The following MEI1 variants were observed in gnomAD, a reference collection of about 807,000 sequenced individuals.
The protein encoded by MEI1 is meiosis inhibitor protein 1.
A neutral mutation model predicts 146.2 loss-of-function variants in MEI1; 103 were observed. The ratio of observed to expected loss-of-function variants is 0.70; its 90% confidence interval spans 0.60 to 0.83. The LOEUF is 0.83. MEI1 is among the 40% of genes least tolerant of loss of function. The pLI, the probability that MEI1 is intolerant of heterozygous loss-of-function variation, is 0.00. For synonymous variants in MEI1, 652 were observed against 628.2 expected (o/e 1.04, Z -0.57); for missense variants, 1,529 against 1,533.0 (o/e 1.00, Z 0.04).
rs367680809 is a variant in MEI1, at chr22:41,758,579, C to T, written c.2120+46C>T. On this transcript the variant is annotated intron_variant, in intron 18 of 30. Coordinates refer to ENST00000401548, the MANE Select transcript of MEI1 (RefSeq NM_152513.4). ...GGCTGGTGGTGGGTCTTGGGACCTTCATCAGCAGTTCAGTTCAATAAATAA... is the reference window on the plus strand; with the variant it reads ...GGCTGGTGGTGGGTCTTGGGACCTTTATCAGCAGTTCAGTTCAATAAATAA... 7.0e-6 allele frequency: 11 copies of T among 1,566,934 alleles called. 1 individual carries two copies. The African/African-American group carries it at 1.1e-4, about 15-fold the overall frequency.
In MEI1 at chr22:41,795,456, G is replaced by T. The variant is rs1024786242; in HGVS notation, c.3580G>T (p.Gly1194Cys). The change falls in exon 29 of 31, where the codon GGT (glycine) becomes TGT (cysteine). Residue 1194 changes from glycine (G) to cysteine (C), a missense_variant. Transcript: ENST00000401548. This position sits in a 1 kb window ranked among gnomAD's most constrained non-coding sequence, Gnocchi z 4.2. ...CAGTGTCCTCTCTCATGAAGAGGTG[G>T]GTGATGTTCTGCAAGGTGTGGCTTT... ...SSSVLSHEEVGDVLQGVALAD... is the reference protein window; with the variant it reads ...SSSVLSHEEVCDVLQGVALAD... The T allele has an allele frequency of 5.6e-6, 9 of 1,613,682 alleles. No homozygotes were observed. Among genetic ancestry groups the T allele is most frequent in the Non-Finnish European group, 6.8e-6 (8 of 1,179,808 alleles).
chr22:41,739,481 T>A (rs7285075), intron 11 of MEI1, among the ~76,000 whole-genome samples: 12,549 of 151,796 alleles, frequency 0.083, 1,224 homozygotes, highest in African/African-American at 0.24. Context: ...ATTGTGAAAG[T>A]TGTTAATATT....
intron 26 of MEI1, among the ~76,000 whole-genome samples, chr22:41,785,910 A>ATTT (rs1158591831): frequency 5.9e-4 from 57 of 96,384 alleles, no homozygotes; most frequent in South Asian, 2.0e-3. Context: ...TTTATTTTTT[A>ATTT]TTTTATTTTT....
chr22:41,712,698 G>GTGTGTA (rs2069701113), intron 3 of MEI1, among the ~76,000 whole-genome samples: 3 of 150,828 alleles, frequency 2.0e-5, no homozygotes, highest in African/African-American at 7.4e-5. Flanking sequence ...GTGTGTGTGT[G>GTGTGTA]TGTGGAGCAA....
Position 41,724,710 on chromosome 22 carries a change from G to A in MEI1, c.864+637G>A, listed in dbSNP as rs552026541. Among the ~76,000 whole-genome samples, 27 of 152,066 alleles carry A rather than the reference G, an allele frequency of 1.8e-4. 1 individual carries two copies. Among genetic ancestry groups the A allele is most frequent in the Admixed American group, 1.3e-3 (20 of 15,272 alleles). ...GGAGGCTGAGGTGGGAGGATTGCTC[G>A]AACCCAGGAGGCGGAGGTTGCATTG... On this transcript the variant is annotated intron_variant, in intron 7 of 30. Coordinates refer to ENST00000401548, the MANE Select transcript of MEI1 (RefSeq NM_152513.4).
chr22:41,773,903 C>A (rs1330031322), intron 20 of MEI1, among the ~76,000 whole-genome samples: 5 of 152,074 alleles, frequency 3.3e-5, no homozygotes, highest in African/African-American at 9.7e-5. Flanking sequence ...AAAAGAACAG[C>A]AAGGAACAAC....
At chr22:41,744,165 C>T (rs914005228) in intron 12 of MEI1, among the ~76,000 whole-genome samples, 2 of 151,642 alleles carry the variant, frequency 1.3e-5, no homozygotes, top group Non-Finnish European at 2.9e-5. Context: ...GCGCTGGGCC[C>T]CTGCTACCAT....
chr22:41,737,408 T>G (rs537752771), intron 11 of MEI1, among the ~76,000 whole-genome samples: 1 of 152,172 alleles, frequency 6.6e-6, no homozygotes, highest in East Asian at 1.9e-4. Flanking sequence ...AGCTAATTTT[T>G]AAAAATATTT....
rs1196441464 is a variant in MEI1 at position 41,718,338 on chromosome 22, G to C, written c.733+64G>C. On this transcript the variant is annotated intron_variant, in intron 6 of 30. Coordinates refer to ENST00000401548, the MANE Select transcript of MEI1 (RefSeq NM_152513.4). Reference sequence around the variant, plus strand: ...TTTGACATTTTGCTAGAAGACTTGAGATATTGGGTTCTCTAGTAGTGGGGA... The same window carrying C: ...TTTGACATTTTGCTAGAAGACTTGACATATTGGGTTCTCTAGTAGTGGGGA... 2.7e-6 allele frequency: 4 copies of C among 1,509,220 alleles called. No individual in the cohort carries two copies. In the East Asian group the frequency reaches 7.0e-5, roughly 27 times the overall value. 93.5% of individuals were successfully genotyped at this position (1,509,220 alleles called of 1,614,324 possible). A position where few individuals can be genotyped will look rare whatever the true frequency, so the allele number is the denominator to read the frequency against.
At chr22:41,707,523 G>A (rs888178272) in intron 3 of MEI1, among the ~76,000 whole-genome samples, 5 of 152,148 alleles carry the variant, frequency 3.3e-5, no homozygotes, top group Admixed American at 2.6e-4. Context: ...AAGTGCTAAG[G>A]TGCCAGGCAT....
At chr22:41,748,240 A>G in intron 15 of MEI1, 22 bp downstream of exon 15, 1 of 1,522,132 alleles carries the variant, frequency 6.6e-7, no homozygotes, top group Non-Finnish European at 9.1e-7. Context: ...GCAAATGTGG[A>G]GGTTGGGAGG....
intron 28 of MEI1, among the ~76,000 whole-genome samples, chr22:41,794,960 G>A (rs757556520): frequency 1.3e-5 from 2 of 152,256 alleles, no homozygotes; most frequent in Non-Finnish European, 2.9e-5. Flanking sequence ...TACATCAGTG[G>A]TTGGTGTAGG....
rs2070385261 is a variant in MEI1, at chr22:41,718,137, G to T, written c.596G>T (p.Cys199Phe). ...AGTGAGGGCATACAAGCTTCTGTCT[G>T]TTACCTTTATGGGAAGCTATACTCC... ...YPSEGIQASVCYLYGKLYSSP... is the reference protein window; with the variant it reads ...YPSEGIQASVFYLYGKLYSSP... Residue 199 changes from cysteine to phenylalanine, a missense_variant, in exon 6 of 31, where the codon TGT becomes TTT. By Grantham distance (205) the Cys-to-Phe change is radical. Transcript: ENST00000401548. 3 of 1,613,802 alleles carry T rather than the reference G, an allele frequency of 1.9e-6. No homozygotes were observed. Among genetic ancestry groups the T allele is most frequent in the Non-Finnish European group, 2.5e-6 (3 of 1,179,878 alleles).
intron 6 of MEI1, 62 bp downstream of exon 6, chr22:41,718,336 G>C (rs1453143302): frequency 3.3e-6 from 5 of 1,512,776 alleles, no homozygotes; most frequent in Non-Finnish European, 4.5e-6. Flanking sequence ...TAGAAGACTT[G>C]AGATATTGGG....
Position 41,781,284 on chromosome 22 carries a change from T to C in MEI1, c.2816T>C (p.Val939Ala). ...GACTGGGGACTTTCATCTCTTGCAG[T>C]AAGCAAGCTGTGTGGGAAGTGCAGC... The part of the protein sequence containing the change: ...DSVAMKLLHQ[V>A]SKLCGKCSPT... The change falls in exon 23 of 31, where the codon GTA (valine) becomes GCA (alanine). Residue 939 changes from valine (V) to alanine (A), a missense_variant and splice_region_variant. Val to Ala is a moderately conservative substitution (Grantham distance 64). Coordinates refer to ENST00000401548, the MANE Select transcript of MEI1 (RefSeq NM_152513.4). The C allele has an allele frequency of 6.2e-7, 1 of 1,609,238 alleles. No homozygotes were observed. The highest frequency in any genetic ancestry group is 1.1e-5 in the South Asian group (1 of 90,024).
rs1338874355 is a variant in MEI1, at chr22:41,745,076, T to A, written c.1538+12T>A. The A allele has an allele frequency of 6.6e-7, 1 of 1,518,140 alleles. No homozygotes were observed. The highest frequency in any genetic ancestry group is 2.2e-5 in the Admixed American group (1 of 46,404). The allele number at this position is 1,518,140 out of a possible 1,614,324, so 94.0% of individuals were successfully genotyped here. A position where few individuals can be genotyped will look rare whatever the true frequency, so the allele number is the denominator to read the frequency against. On this transcript the variant is annotated intron_variant, in intron 13 of 30. Coordinates refer to ENST00000401548, the MANE Select transcript of MEI1 (RefSeq NM_152513.4). ...AGAAGTGCCTGCAGGTGAGGGGCCC[T>A]CTGAGGTATGAAGTAATAGCATGGA... is the stretch of plus-strand genomic sequence containing the variant.
intron 13 of MEI1, 31 bp from the exon 14 acceptor site, chr22:41,745,854 T>A (rs1304400118): frequency 6.4e-7 from 1 of 1,574,386 alleles, no homozygotes; most frequent in Admixed American, 1.7e-5. Flanking sequence ...GCATAGGTGG[T>A]AGTGGATATA....
intron 26 of MEI1, among the ~76,000 whole-genome samples, chr22:41,788,450 GT>G (rs879359943): frequency 6.7e-6 from 1 of 148,516 alleles, no homozygotes; most frequent in Non-Finnish European, 1.5e-5. Context: ...GTTTTGTTTT[GT>G]TTTTTTTGAG....
intron 15 of MEI1, among the ~76,000 whole-genome samples, chr22:41,748,890 G>A (rs1180257653): frequency 6.6e-6 from 1 of 151,412 alleles, no homozygotes; most frequent in African/African-American, 2.4e-5. Context: ...TGCCAGCTTC[G>A]CCTCCCAGGT....
Sources: gnomAD v4.1 joint callset for allele counts (sites outside exome capture counted in the v4.1 genomes callset) on GRCh38, gnomAD v4.1.1 for gene constraint, Gnocchi (gnomAD v3.1) non-coding constraint, MANE v1.5 for transcripts, NCBI Gene and HGNC (gene_info 2026-07-23, HGNC 2026-07-21) for gene names.